The following WWTR1 variants were observed in gnomAD, a reference collection of about 807,000 sequenced individuals.
The protein encoded by WWTR1 is WW domain-containing transcription regulator protein 1.
WWTR1 carries 13 observed loss-of-function variants against 40.1 expected under a neutral mutation model. The ratio of observed to expected loss-of-function variants is 0.32; its 90% CI spans 0.21 to 0.52. The LOEUF (loss-of-function observed/expected upper bound fraction) is 0.52, where lower values mean the gene tolerates loss of function less well. Ranked by LOEUF, WWTR1 falls within the 20% of genes least tolerant of loss-of-function variation. WWTR1 has a pLI of 0.97. For missense variants in WWTR1, 436 were observed against 523.1 expected, an observed-to-expected ratio of 0.83 and a Z score of 1.63; for synonymous variants, 230 against 210.1, an observed-to-expected ratio of 1.09 and a Z score of -0.82.
intron 1 of WWTR1, among the ~76,000 whole-genome samples, chr3:149,678,991 G>A (rs774799163): frequency 1.1e-4 from 16 of 151,840 alleles, no homozygotes; most frequent in African/African-American, 2.2e-4. Flanking sequence ...CACCATGCCC[G>A]GCTAATTTTT....
rs531285847 is a variant in WWTR1 at position 149,578,669 on chromosome 3, G to A, written c.432-5669C>T. On this transcript the variant is annotated intron_variant, in intron 2 of 6. Transcript: ENST00000360632. ...TCCCAGCACTTTGGGAGGCCGAGGCGGGTGGATCACCTGAGGTCGGGAGTT... is the reference window on the plus strand; with the variant it reads ...TCCCAGCACTTTGGGAGGCCGAGGCAGGTGGATCACCTGAGGTCGGGAGTT... Among the ~76,000 whole-genome samples, 95 of 152,236 alleles carry A rather than the reference G, an allele frequency of 6.2e-4. 2 individuals are homozygous for A. In the South Asian group the frequency reaches 0.018, roughly 30 times the overall value.
At chr3:149,689,239 G>A (rs1238098028) in intron 1 of WWTR1, among the ~76,000 whole-genome samples, 1 of 151,918 alleles carries the variant, frequency 6.6e-6, no homozygotes, top group Non-Finnish European at 1.5e-5. Flanking sequence ...AAATTAGTGG[G>A]GCATGGTGGT....
chr3:149,535,169 G>A (rs1735765989), intron 4 of WWTR1, among the ~76,000 whole-genome samples: 1 of 151,790 alleles, frequency 6.6e-6, no homozygotes, highest in African/African-American at 2.4e-5. Context: ...TGTGGCCAGG[G>A]ACTCTACAAA....
chr3:149,622,040 C>G (rs1383948043), intron 2 of WWTR1, among the ~76,000 whole-genome samples: 1 of 152,178 alleles, frequency 6.6e-6, no homozygotes, highest in Non-Finnish European at 1.5e-5. Context: ...ACACCCTCCT[C>G]CTGCACAACC....
chr3:149,700,044 G>A (rs918439641), intron 1 of WWTR1, among the ~76,000 whole-genome samples: 4 of 152,318 alleles, frequency 2.6e-5, no homozygotes, highest in South Asian at 2.1e-4. Flanking sequence ...CTATACAAGC[G>A]TAGCACCAAC....
intron 4 of WWTR1, among the ~76,000 whole-genome samples, chr3:149,541,463 A>G (rs556889701): frequency 7.0e-4 from 106 of 152,338 alleles, no homozygotes; most frequent in African/African-American, 2.5e-3. Flanking sequence ...AGTTTTGCAG[A>G]GCACTCTGTT....
chr3:149,678,218 T>A (rs924556940), intron 1 of WWTR1, among the ~76,000 whole-genome samples: 2 of 152,190 alleles, frequency 1.3e-5, no homozygotes, highest in Admixed American at 1.3e-4. Context: ...AAGCTCTAAT[T>A]CACAGAACAC....
chr3:149,683,847 G>C (rs1714541462), intron 1 of WWTR1, among the ~76,000 whole-genome samples: 1 of 152,170 alleles, frequency 6.6e-6, no homozygotes, highest in South Asian at 2.1e-4. Context: ...GAGACGAGCT[G>C]GGGTGGAGAT....
intron 2 of WWTR1, among the ~76,000 whole-genome samples, chr3:149,610,988 A>AAG (rs1739711930): frequency 6.6e-6 from 1 of 151,742 alleles, no homozygotes; most frequent in East Asian, 1.9e-4. Flanking sequence ...ACAAAAAAAA[A>AAG]AAATTTTTTT....
chr3:149,687,075 AG>A (rs1714679530), intron 1 of WWTR1, among the ~76,000 whole-genome samples: 1 of 152,322 alleles, frequency 6.6e-6, no homozygotes, highest in African/African-American at 2.4e-5. Context: ...TCTAGGCCCC[AG>A]GTTCACTACT....
At chr3:149,711,344 C>G (rs1715473224) in intron 5 of WWTR1, among the ~76,000 whole-genome samples, 1 of 152,028 alleles carries the variant, frequency 6.6e-6, no homozygotes, top group African/African-American at 2.4e-5. Context: ...AAGGAAAATT[C>G]AGGATCTTGA....
At chr3:149,722,262 A>T (rs1287133335) in intron 4 of WWTR1, among the ~76,000 whole-genome samples, 3 of 150,264 alleles carry the variant, frequency 2.0e-5, no homozygotes, top group Non-Finnish European at 4.4e-5. Flanking sequence ...TCTAATCTTT[A>T]TTATTTTATT....
At chr3:149,674,651 T>C (rs544754063) in intron 1 of WWTR1, among the ~76,000 whole-genome samples, 5 of 152,204 alleles carry the variant, frequency 3.3e-5, no homozygotes, top group Middle Eastern at 3.4e-3. Flanking sequence ...CAAAATTGAT[T>C]CTCTTAAGAA....
At chr3:149,639,313 C>G (rs985168038) in intron 2 of WWTR1, among the ~76,000 whole-genome samples, 2 of 152,164 alleles carry the variant, frequency 1.3e-5, no homozygotes, top group African/African-American at 4.8e-5. Context: ...AGTGATCCCC[C>G]TTGCCTCAGC....
chr3:149,588,052 T>C (rs528054424), intron 2 of WWTR1, among the ~76,000 whole-genome samples: 61 of 152,318 alleles, frequency 4.0e-4, no homozygotes, highest in African/African-American at 1.4e-3. Flanking sequence ...ACAGAGATGG[T>C]TGTTGCTTTG....
At chr3:149,576,753 T>A (rs1737901622) in intron 2 of WWTR1, among the ~76,000 whole-genome samples, 1 of 151,796 alleles carries the variant, frequency 6.6e-6, no homozygotes, top group African/African-American at 2.4e-5. Context: ...CACTGGTAAT[T>A]TTTTTTTTCT....
At chr3:149,586,018 C>T (rs1191269871) in intron 2 of WWTR1, among the ~76,000 whole-genome samples, 1 of 152,090 alleles carries the variant, frequency 6.6e-6, no homozygotes, top group Non-Finnish European at 1.5e-5. Flanking sequence ...TATCTTTGTA[C>T]CCACAAGTGG....
intron 2 of WWTR1, among the ~76,000 whole-genome samples, chr3:149,655,326 T>C (rs989323668): frequency 1.3e-5 from 2 of 151,744 alleles, no homozygotes; most frequent in Non-Finnish European, 2.9e-5. Flanking sequence ...GTGCCTGTAA[T>C]CCCAGCTACT....
chr3:149,545,805 G>A (rs1736337966), intron 3 of WWTR1, among the ~76,000 whole-genome samples: 3 of 152,210 alleles, frequency 2.0e-5, no homozygotes, highest in Admixed American at 6.5e-5. Flanking sequence ...ACAGGCATGA[G>A]CCACCGCGCC....
Sources: gnomAD v4.1 joint callset for allele counts (sites outside exome capture counted in the v4.1 genomes callset) on GRCh38, gnomAD v4.1.1 for gene constraint, MANE v1.5 for transcripts, NCBI Gene and HGNC (gene_info 2026-07-23, HGNC 2026-07-21) for gene names.